Variants in AFM observed in about 807,000 individuals in gnomAD.
AFM encodes the protein alpha-Alb.
Under a neutral mutation model 68.7 loss-of-function variants are expected in AFM, and 82 were observed. The observed-to-expected ratio is 1.19, with a 90% CI of 1.00 to 1.43. AFM has a LOEUF of 1.43. Among genes scored for constraint, AFM ranks in the 40% most tolerant of loss-of-function variants. AFM has a pLI of 0.00. For missense variants in AFM, 772 were observed against 701.8 expected (o/e 1.10, Z -1.13); for synonymous variants, 250 against 234.2 (o/e 1.07, Z -0.61).
intron 14 of AFM, among the ~76,000 whole-genome samples, chr4:73,503,580 C>T (rs1385734997): frequency 2.6e-5 from 4 of 152,162 alleles, no homozygotes; most frequent in South Asian, 2.1e-4. Context: ...ACAGCATTTA[C>T]GTGAACAAAA....
Position 73,500,046 on chromosome 4 carries a change from C to T in AFM, c.1465C>T (p.Arg489Ter), listed in dbSNP as rs147051358. ...FGELCGVNEN[R>*]TINPAVDHCC... ...AGAGTTATGTGGAGTAAATGAAAAT[C>T]GAACTATCAACCCTGCTGTGGACCA... Residue 489 changes from arginine to a stop codon, truncating the protein, a stop_gained, in exon 12 of 15, where the codon CGA (arginine) becomes TGA (stop). Transcript: ENST00000226355. LOFTEE classifies it high-confidence loss of function. 18 of 1,613,888 alleles carry T rather than the reference C, an allele frequency of 1.1e-5. No homozygotes were observed. In the African/African-American group the frequency reaches 1.3e-4, roughly 12 times the overall value.
rs1721345413 is a variant in AFM, at chr4:73,499,187, G to T, written c.1363G>T (p.Val455Leu). Residue 455 changes from valine (V) to leucine (L), a missense_variant, in exon 11 of 15, where the codon GTG (valine) becomes TTG (leucine). By Grantham distance (32) the Val-to-Leu change is conservative (BLOSUM62 1). Coordinates refer to ENST00000226355, the MANE Select transcript of AFM (RefSeq NM_001133.2). ...EELVSLGEKMVTAFTTCCTLS... is the reference protein window; with the variant it reads ...EELVSLGEKMLTAFTTCCTLS... ...ACTGGTGTCTCTTGGCGAGAAAATG[G>T]TGACAGCTTTCACTACTTGCTGTAC... The T allele has an allele frequency of 3.1e-6, 5 of 1,612,990 alleles. No individual in the cohort carries two copies. Among genetic ancestry groups the T allele is most frequent in the Non-Finnish European group, 4.2e-6 (5 of 1,179,424 alleles).
In AFM at chr4:73,500,269, A is replaced by G. The variant is rs748933589; in HGVS notation, c.1646+42A>G. On this transcript the variant is annotated intron_variant, in intron 12 of 14. Transcript: ENST00000226355. ...CCATTCTTCTTTTTCTTTGGTTTGA[A>G]GACACACCATGTATTAGTGAGAAGG... 2.7e-6 allele frequency: 4 copies of G among 1,509,206 alleles called. No homozygotes were observed. The South Asian group carries it at 4.7e-5, about 18-fold the overall frequency. 93.5% of individuals were successfully genotyped at this position (1,509,206 alleles called of 1,614,324 possible). A position where few individuals can be genotyped will look rare whatever the true frequency, so the allele number is the denominator to read the frequency against.
chr4:73,484,476 T>TTCTTTCTTTC (rs893315422), intron 3 of AFM, 86 bp downstream of exon 3: 2 of 615,900 alleles, frequency 3.2e-6, no homozygotes, highest in Non-Finnish European at 5.1e-6. Flanking sequence ...CTTTCTTTCT[T>TTCTTTCTTTC]TCTTTCTTTC....
chr4:73,482,627 G>T (rs1228703517), intron 1 of AFM, among the ~76,000 whole-genome samples: 1 of 152,006 alleles, frequency 6.6e-6, no homozygotes, highest in Non-Finnish European at 1.5e-5. Flanking sequence ...TCAAAATCTT[G>T]ATTTTTTGCC....
At chr4:73,486,824 C>T in intron 4 of AFM, 143 bp from the exon 5 acceptor site, 1 of 808,370 alleles carries the variant, frequency 1.2e-6, no homozygotes, top group East Asian at 2.7e-5. Flanking sequence ...TGTTTTACAA[C>T]TTGCTCTTCT....
intron 8 of AFM, among the ~76,000 whole-genome samples, chr4:73,494,495 A>T (rs1184252535): frequency 6.6e-6 from 1 of 152,158 alleles, no homozygotes; most frequent in African/African-American, 2.4e-5. Context: ...TGGAGTAAAC[A>T]TCCCAGGGGA....
intron 3 of AFM, among the ~76,000 whole-genome samples, chr4:73,485,259 G>A (rs1056542452): frequency 2.6e-5 from 4 of 152,178 alleles, no homozygotes; most frequent in East Asian, 3.9e-4. Context: ...TAACATACCA[G>A]CATGTCATCA....
At chr4:73,501,949 A>G in intron 13 of AFM, 30 bp downstream of exon 13, 1 of 1,606,580 alleles carries the variant, frequency 6.2e-7, no homozygotes, top group Non-Finnish European at 8.5e-7. Flanking sequence ...ACTGAAATTC[A>G]ACTGGTTTTC....
intron 10 of AFM, 29 bp downstream of exon 10, chr4:73,497,778 C>G (rs781477376): frequency 7.2e-7 from 1 of 1,384,462 alleles, no homozygotes; most frequent in Non-Finnish European, 1.0e-6. Context: ...TGGGCTAACA[C>G]TTGCCACTAG....
At chr4:73,494,001 T>C (rs1359736386) in intron 8 of AFM, among the ~76,000 whole-genome samples, 7 of 152,110 alleles carry the variant, frequency 4.6e-5, no homozygotes, top group African/African-American at 1.7e-4. Context: ...CAGTGGCTTC[T>C]CCAGCCTAGA....
rs1236719888 is a variant in AFM, at chr4:73,499,182, A to G, written c.1358A>G (p.Lys453Arg). The G allele has an allele frequency of 6.2e-7, 1 of 1,613,264 alleles. No homozygotes were observed. Among genetic ancestry groups the G allele is most frequent in the Non-Finnish European group, 8.5e-7 (1 of 1,179,602 alleles). The change falls in exon 11 of 15, where the codon AAA becomes AGA. Residue 453 changes from lysine (K) to arginine (R), a missense_variant. Coordinates refer to ENST00000226355, the MANE Select transcript of AFM (RefSeq NM_001133.2). ...STEELVSLGE[K>R]MVTAFTTCCT... ...GAAGAACTGGTGTCTCTTGGCGAGA[A>G]AATGGTGACAGCTTTCACTACTTGC...
At chr4:73,489,980 C>T (rs1055961382) in intron 7 of AFM, among the ~76,000 whole-genome samples, 1 of 151,526 alleles carries the variant, frequency 6.6e-6, no homozygotes, top group Non-Finnish European at 1.5e-5. Flanking sequence ...TATCCCGGAA[C>T]TTAAAGTGAA....
At chr4:73,502,101 G>A (rs1721438464) in intron 13 of AFM, among the ~76,000 whole-genome samples, 182 bp downstream of exon 13, 1 of 152,156 alleles carries the variant, frequency 6.6e-6, no homozygotes, top group Admixed American at 6.5e-5. Context: ...TGTCTCCTTA[G>A]TACAGAAAAA....
intron 5 of AFM, 52 bp from the exon 6 acceptor site, chr4:73,487,672 G>A (rs1338679592): frequency 8.2e-7 from 1 of 1,226,688 alleles, no homozygotes; most frequent in East Asian, 2.3e-5. Flanking sequence ...AAAAATAAGA[G>A]AATAGTGAGA....
rs777010462 is a variant in AFM at position 73,491,848 on chromosome 4, A to G, written c.844-24A>G. 10 of 1,594,164 alleles carry G rather than the reference A, an allele frequency of 6.3e-6. No individual in the cohort carries two copies. In the South Asian group the frequency reaches 1.0e-4, roughly 16 times the overall value. ...GAAAACCCAGCCTGAAAGTAAAATA[A>G]TCTCTCATTCTTATTTGGTACAGAG... On this transcript the variant is annotated intron_variant, in intron 7 of 14. Coordinates refer to ENST00000226355, the MANE Select transcript of AFM (RefSeq NM_001133.2).
chr4:73,494,874 C>T (rs1434695547), intron 8 of AFM, among the ~76,000 whole-genome samples: 1 of 152,200 alleles, frequency 6.6e-6, no homozygotes, highest in Non-Finnish European at 1.5e-5. Context: ...AGCTTGCTCC[C>T]TATCTCTCAC....
In AFM at chr4:73,483,991, T is replaced by C. The variant is rs1720784329; in HGVS notation, c.137+2T>C. On this transcript the variant is annotated splice_donor_variant, in intron 2 of 14. Coordinates refer to ENST00000226355, the MANE Select transcript of AFM (RefSeq NM_001133.2). LOFTEE classifies it high-confidence loss of function. Reference sequence around the variant, plus strand: ...TATAGAAGATAATATTGAATACATGTGAGTTGTGCTAAATACTTTTTGATG... The same window carrying C: ...TATAGAAGATAATATTGAATACATGCGAGTTGTGCTAAATACTTTTTGATG... 2.0e-6 allele frequency: 3 copies of C among 1,520,142 alleles called. No individual in the cohort carries two copies. Among genetic ancestry groups the C allele is most frequent in the Admixed American group, 3.9e-5 (2 of 51,898 alleles). 94.2% of individuals were successfully genotyped at this position (1,520,142 alleles called of 1,614,324 possible). A position where few individuals can be genotyped will look rare whatever the true frequency, so the allele number is the denominator to read the frequency against.
At chr4:73,489,688 G>C (rs977753853) in intron 7 of AFM, among the ~76,000 whole-genome samples, 3 of 152,134 alleles carry the variant, frequency 2.0e-5, no homozygotes, top group Non-Finnish European at 4.4e-5. Context: ...GATTTTCCAA[G>C]GAAAAGTATT....
Sources: gnomAD v4.1 joint callset for allele counts (sites outside exome capture counted in the v4.1 genomes callset) on GRCh38, gnomAD v4.1.1 for gene constraint, MANE v1.5 for transcripts, NCBI Gene and HGNC (gene_info 2026-07-23, HGNC 2026-07-21) for gene names.